Variants in SCAPER observed in about 807,000 individuals in gnomAD.
The protein encoded by SCAPER is S-phase cyclin A associated protein in the ER.
In SCAPER, 98 loss-of-function variants were observed where a neutral mutation model predicts 182.2. That is an observed-to-expected ratio of 0.54 (90% confidence interval 0.46 to 0.64). SCAPER has a LOEUF of 0.64. Among genes scored for constraint, SCAPER ranks in the 30% least tolerant of loss-of-function variants. SCAPER has a pLI of 0.00. For synonymous variants in SCAPER, 605 were observed against 564.6 expected (o/e 1.07, Z -1.01); for missense variants, 1,432 against 1,690.0 (o/e 0.85, Z 2.68).
chr15:76,688,619 G>C (rs1222443340), intron 20 of SCAPER, among the ~76,000 whole-genome samples: 1 of 152,066 alleles, frequency 6.6e-6, no homozygotes. Flanking sequence ...TAAGGTGTAA[G>C]GAAAGGGTGC....
chr15:76,864,231 C>G (rs1599169002), intron 2 of SCAPER, among the ~76,000 whole-genome samples: 1 of 152,138 alleles, frequency 6.6e-6, no homozygotes, highest in Admixed American at 6.5e-5. Context: ...TCATTTTAGC[C>G]TTTCGCTTTG....
At chr15:76,721,866 C>T (rs867231814) in intron 17 of SCAPER, among the ~76,000 whole-genome samples, 4 of 152,150 alleles carry the variant, frequency 2.6e-5, no homozygotes, top group South Asian at 2.1e-4. Context: ...ATCATGTCAT[C>T]GGCAAACAGG....
chr15:76,417,252 CTG>C (rs2045718064), intron 26 of SCAPER, among the ~76,000 whole-genome samples: 1 of 152,012 alleles, frequency 6.6e-6, no homozygotes, highest in Non-Finnish European at 1.5e-5. Context: ...CTGTACTCTT[CTG>C]TGTTTTCCAA....
chr15:76,402,948 G>GT (rs781141001), intron 27 of SCAPER, among the ~76,000 whole-genome samples: 2 of 152,116 alleles, frequency 1.3e-5, no homozygotes, highest in Non-Finnish European at 2.9e-5. Context: ...GAATCTGCGT[G>GT]TAAGTGACAG....
intron 22 of SCAPER, among the ~76,000 whole-genome samples, chr15:76,621,145 C>T (rs1004871307): frequency 2.0e-5 from 3 of 152,332 alleles, no homozygotes; most frequent in African/African-American, 7.2e-5. Flanking sequence ...CAAGACCATA[C>T]TAGTCTGTAC....
intron 1 of SCAPER, among the ~76,000 whole-genome samples, chr15:76,903,019 C>A (rs1023610622): frequency 2.7e-5 from 4 of 150,264 alleles, no homozygotes; most frequent in Non-Finnish European, 4.4e-5. Context: ...CAAGATTGCG[C>A]CACTGCACTC....
At chr15:76,659,224 A>G (rs2055916995) in intron 21 of SCAPER, among the ~76,000 whole-genome samples, 1 of 152,214 alleles carries the variant, frequency 6.6e-6, no homozygotes, top group Non-Finnish European at 1.5e-5. Context: ...AAACAAATTT[A>G]CAAGCAAAAA....
At chr15:76,714,962 A>G (rs1156699014) in intron 17 of SCAPER, among the ~76,000 whole-genome samples, 1 of 152,114 alleles carries the variant, frequency 6.6e-6, no homozygotes, top group Non-Finnish European at 1.5e-5. Context: ...AAAACACATA[A>G]AAAGCACTTG....
chr15:76,758,272 G>C (rs1165353564), intron 14 of SCAPER, among the ~76,000 whole-genome samples: 2 of 152,110 alleles, frequency 1.3e-5, no homozygotes, highest in African/African-American at 4.8e-5. Flanking sequence ...CATGGTGTAA[G>C]ATAAGCATCC....
At chr15:76,650,460 G>T (rs370170645) in intron 21 of SCAPER, among the ~76,000 whole-genome samples, 5 of 151,858 alleles carry the variant, frequency 3.3e-5, no homozygotes, top group African/African-American at 1.2e-4. Context: ...GGAACAATTT[G>T]TCAAGAATAT....
intron 23 of SCAPER, among the ~76,000 whole-genome samples, chr15:76,546,231 C>T (rs938568810): frequency 1.3e-5 from 2 of 151,824 alleles, no homozygotes; most frequent in African/African-American, 2.4e-5. Context: ...AAATATAAGA[C>T]CAGGATGTTT....
chr15:76,638,243 A>G (rs1289110013), intron 21 of SCAPER, among the ~76,000 whole-genome samples: 1 of 151,900 alleles, frequency 6.6e-6, no homozygotes, highest in African/African-American at 2.4e-5. Flanking sequence ...TCATTTATTG[A>G]TCAAATCTTT....
intron 17 of SCAPER, among the ~76,000 whole-genome samples, chr15:76,722,548 G>A (rs1428783252): frequency 3.3e-5 from 5 of 152,188 alleles, no homozygotes; most frequent in East Asian, 3.9e-4. Flanking sequence ...CTGTGAATCC[G>A]TCTGGTCCTG....
At chr15:76,853,113 C>T (rs2070935016) in intron 4 of SCAPER, among the ~76,000 whole-genome samples, 1 of 152,110 alleles carries the variant, frequency 6.6e-6, no homozygotes, top group South Asian at 2.1e-4. Context: ...ATACTCCCTC[C>T]CAAGACTGAA....
intron 22 of SCAPER, among the ~76,000 whole-genome samples, chr15:76,588,207 C>A (rs1423152326): frequency 1.3e-5 from 2 of 152,214 alleles, no homozygotes; most frequent in Non-Finnish European, 2.9e-5. Context: ...CAGGCGTGAG[C>A]CACCGCGCCC....
chr15:76,449,843 G>C (rs1231397340), intron 25 of SCAPER, among the ~76,000 whole-genome samples: 1 of 152,066 alleles, frequency 6.6e-6, no homozygotes, highest in Non-Finnish European at 1.5e-5. Flanking sequence ...TGACCTCTTG[G>C]AACAGCTGAT....
intron 24 of SCAPER, among the ~76,000 whole-genome samples, chr15:76,485,739 C>T (rs1450105625): frequency 6.6e-6 from 1 of 152,116 alleles, no homozygotes; most frequent in Non-Finnish European, 1.5e-5. Flanking sequence ...TGCATACCTA[C>T]AAACATCTAA....
intron 21 of SCAPER, among the ~76,000 whole-genome samples, chr15:76,657,588 C>CAAAAAAAAAAAAAAAAAAAA (rs35243291): frequency 1.5e-5 from 2 of 129,800 alleles, no homozygotes; most frequent in Non-Finnish European, 3.2e-5. Flanking sequence ...GACACAACAA[C>CAAAAAAAAAAAAAAAAAAAA]AAAAAAAAAA....
At chr15:76,357,319 C>A (rs1044965918) in intron 29 of SCAPER, among the ~76,000 whole-genome samples, 2 of 152,102 alleles carry the variant, frequency 1.3e-5, no homozygotes, top group Non-Finnish European at 2.9e-5. Context: ...TAAATATATT[C>A]TTTTTGACAT....
Sources: allele counts gnomAD v4.1 joint callset (sites outside exome capture counted in the v4.1 genomes callset), GRCh38; gene constraint gnomAD v4.1.1; transcripts MANE v1.5; gene names NCBI Gene and HGNC (gene_info 2026-07-23, HGNC 2026-07-21).